SEMA6A: variants seen among roughly 807,000 people sequenced by gnomAD.
SEMA6A encodes semaphorin-6A.
In SEMA6A, 25 loss-of-function variants were observed where a neutral mutation model predicts 96.8. The observed-to-expected ratio is 0.26, with a 90% CI of 0.19 to 0.36. The LOEUF is 0.36. Ranked by LOEUF, SEMA6A falls within the 10% of genes least tolerant of loss-of-function variation. SEMA6A has a pLI of 1.00. For missense variants in SEMA6A, 1,363 were observed against 1,323.1 expected (o/e 1.03, Z -0.47); for synonymous variants, 612 against 518.0 (o/e 1.18, Z -2.46).
chr5:116,475,554 C>T lies in SEMA6A; in HGVS notation c.1699G>A (p.Asp567Asn), dbSNP rs997925979. ...IERGNTDGLG[D>N]CHNSFVALNG... ...AAAAGACTGTACTTACTGTGACAGT[C>T]CCCCAGACCATCTGTATTGCCACGC... is the stretch of plus-strand genomic sequence containing the variant. The change falls in exon 16 of 19, where the codon GAC (aspartate) becomes AAC (asparagine). Residue 567 changes from aspartate (D) to asparagine (N), a missense_variant. This residue lies in a region of SEMA6A where 883 missense variants were observed against 763.6 expected (regional missense o/e 1.16). Coordinates refer to ENST00000343348, the MANE Select transcript of SEMA6A (RefSeq NM_020796.5). 1.2e-6 allele frequency: 2 copies of T among 1,601,128 alleles called. No individual in the cohort carries two copies. The highest frequency in any genetic ancestry group is 2.2e-5 in the East Asian group (1 of 44,488).
intron 18 of SEMA6A, among the ~76,000 whole-genome samples, chr5:116,453,107 G>A (rs1319080132): frequency 6.6e-6 from 1 of 152,208 alleles, no homozygotes; most frequent in Non-Finnish European, 1.5e-5. Flanking sequence ...CTGAGCCTTG[G>A]AGGGAAGGAA....
chr5:116,463,585 C>T lies in SEMA6A; in HGVS notation c.1894+3998G>A, dbSNP rs190548778. Reference sequence around the variant, plus strand: ...TTTGCTATCCATTTTAGCTTATTCACTTAATCTCTAATTTAAATTCTGTTT... The same window carrying T: ...TTTGCTATCCATTTTAGCTTATTCATTTAATCTCTAATTTAAATTCTGTTT... On this transcript the variant is annotated intron_variant, in intron 18 of 18. Coordinates refer to ENST00000343348, the MANE Select transcript of SEMA6A (RefSeq NM_020796.5). Among the ~76,000 whole-genome samples, 10 of 152,290 alleles carry T rather than the reference C, an allele frequency of 6.6e-5. No individual in the cohort carries two copies. The East Asian group carries it at 1.9e-3, about 29-fold the overall frequency.
chr5:116,467,782 A>G (rs1755856475), intron 17 of SEMA6A, 35 bp from the exon 18 acceptor site: 1 of 1,608,388 alleles, frequency 6.2e-7, no homozygotes, highest in Non-Finnish European at 8.5e-7. Flanking sequence ...GGAAAACATC[A>G]CCAGAGAGAC....
intron 18 of SEMA6A, among the ~76,000 whole-genome samples, chr5:116,464,665 G>A (rs1003548826): frequency 6.6e-6 from 1 of 152,248 alleles, no homozygotes; most frequent in South Asian, 2.1e-4. Context: ...GTAGCAGAAG[G>A]GGGTTAGGCT....
intron 1 of SEMA6A, among the ~76,000 whole-genome samples, chr5:116,553,157 T>C (rs1311933168): frequency 6.6e-6 from 1 of 152,270 alleles, no homozygotes; most frequent in Admixed American, 6.5e-5. Flanking sequence ...ATACGTTACA[T>C]AATTTTGTAT....
Position 116,544,601 on chromosome 5 carries a change from CTG to C in SEMA6A, c.-39+29582_-39+29583del, listed in dbSNP as rs534893234. Among the ~76,000 whole-genome samples the C allele has an allele frequency of 3.5e-3, 537 of 152,104 alleles. 6 individuals carry two copies. Among genetic ancestry groups the C allele is most frequent in the African/African-American group, 0.012 (505 of 41,498 alleles). Reference sequence around the variant, plus strand: ...GGCATGAGCCATTGTACCTGGCCAACTGAGATCATTATGTCAAAAAGTTGCAA... The same window carrying C: ...GGCATGAGCCATTGTACCTGGCCAACAGATCATTATGTCAAAAAGTTGCAA... On this transcript the variant is annotated intron_variant, in intron 1 of 18. Coordinates refer to ENST00000343348, the MANE Select transcript of SEMA6A (RefSeq NM_020796.5).
chr5:116,523,966 G>A (rs1580472620), intron 1 of SEMA6A, among the ~76,000 whole-genome samples: 2 of 152,276 alleles, frequency 1.3e-5, no homozygotes, highest in East Asian at 3.9e-4. Context: ...GCATGGAGTG[G>A]CTTTAAAAAT....
intron 1 of SEMA6A, among the ~76,000 whole-genome samples, chr5:116,507,304 G>A (rs915607509): frequency 6.6e-6 from 1 of 152,172 alleles, no homozygotes; most frequent in Non-Finnish European, 1.5e-5. Context: ...TTGAAGTTTT[G>A]ATGTATTATT....
At chr5:116,562,875 A>G (rs535840581) in intron 1 of SEMA6A, 22 of 633,428 alleles carry the variant, frequency 3.5e-5, no homozygotes, top group African/African-American at 3.1e-4. Context: ...AATAGGACAA[A>G]GACTCCTGGA....
At chr5:116,542,439 C>G (rs1157829779) in intron 1 of SEMA6A, among the ~76,000 whole-genome samples, 1 of 152,148 alleles carries the variant, frequency 6.6e-6, no homozygotes, top group Non-Finnish European at 1.5e-5. Flanking sequence ...TTTTAATACC[C>G]TTTTCTAAAG....
chr5:116,568,993 A>C (rs1244708797), intron 1 of SEMA6A, among the ~76,000 whole-genome samples: 2 of 152,266 alleles, frequency 1.3e-5, no homozygotes, highest in Non-Finnish European at 2.9e-5. Context: ...TTCATTCAGC[A>C]AACACTTGTT....
chr5:116,551,501 C>T (rs149141105), intron 1 of SEMA6A, among the ~76,000 whole-genome samples: 65 of 152,252 alleles, frequency 4.3e-4, no homozygotes, highest in African/African-American at 1.3e-3. Context: ...CTAATTTAAT[C>T]CTCACAGCAA....
chr5:116,487,091 G>GA, intron 9 of SEMA6A, 125 bp from the exon 10 acceptor site: 9 of 500,314 alleles, frequency 1.8e-5, no homozygotes, highest in South Asian at 9.7e-5. Context: ...TCTAAAATCA[G>GA]TAACAAAAAA....
intron 1 of SEMA6A, among the ~76,000 whole-genome samples, chr5:116,509,029 C>T (rs546731815): frequency 2.0e-5 from 3 of 152,144 alleles, no homozygotes; most frequent in Admixed American, 6.5e-5. Flanking sequence ...TTTAGAGACC[C>T]GGCTGGGCTG....
At chr5:116,467,550 C>T in intron 18 of SEMA6A, 33 bp downstream of exon 18, 3 of 1,584,222 alleles carry the variant, frequency 1.9e-6, no homozygotes, top group Non-Finnish European at 2.6e-6. Flanking sequence ...CCTCCCTCTC[C>T]CCCGAGAGGA....
intron 18 of SEMA6A, among the ~76,000 whole-genome samples, chr5:116,453,685 T>C (rs1754795071): frequency 6.6e-6 from 1 of 152,232 alleles, no homozygotes; most frequent in African/African-American, 2.4e-5. Context: ...TTCGGCTTGC[T>C]CTGTTCCACA....
At chr5:116,567,904 T>G (rs1435600705) in intron 1 of SEMA6A, among the ~76,000 whole-genome samples, 3 of 152,238 alleles carry the variant, frequency 2.0e-5, no homozygotes, top group Non-Finnish European at 4.4e-5. Flanking sequence ...ACTTTTAAAC[T>G]AATTCCTGGC....
chr5:116,480,930 A>G (rs978818200), intron 11 of SEMA6A, among the ~76,000 whole-genome samples: 3 of 152,224 alleles, frequency 2.0e-5, no homozygotes, highest in African/African-American at 7.2e-5. Context: ...AAGAAATTCT[A>G]TGGTTTCAGG....
chr5:116,445,210 G>C lies in SEMA6A; in HGVS notation c.*1403C>G, dbSNP rs1411772643. On this transcript the variant is annotated 3_prime_UTR_variant, in exon 19 of 19. Coordinates refer to ENST00000343348, the MANE Select transcript of SEMA6A (RefSeq NM_020796.5). Reference sequence around the variant, plus strand: ...AGGGCTGGAAGTGGGGCAGAGGGTGGGGAAGGGAGGGTTAAATAAATATCT... The same window carrying C: ...AGGGCTGGAAGTGGGGCAGAGGGTGCGGAAGGGAGGGTTAAATAAATATCT... 6.6e-6 allele frequency: 1 copy of C among 152,652 alleles called. No individual in the cohort carries two copies. Among genetic ancestry groups the C allele is most frequent in the Non-Finnish European group, 1.5e-5 (1 of 68,064 alleles). 9.5% of individuals were successfully genotyped at this position (152,652 alleles called of 1,614,324 possible).
Sources: allele counts gnomAD v4.1 joint callset (sites outside exome capture counted in the v4.1 genomes callset), GRCh38; gene constraint gnomAD v4.1.1; regional missense constraint gnomAD v4.1.1; transcripts MANE v1.5; gene names NCBI Gene and HGNC (gene_info 2026-07-23, HGNC 2026-07-21).